ZEB2: variants seen among roughly 807,000 people sequenced by gnomAD.
ZEB2 encodes the protein zinc finger E-box binding homeobox 2.
Under a neutral mutation model 99.9 loss-of-function variants are expected in ZEB2, and 6 were observed. The observed-to-expected ratio is 0.06, with a 90% CI of 0.03 to 0.12. The LOEUF (loss-of-function observed/expected upper bound fraction) is 0.12, where lower values mean the gene tolerates loss of function less well. Ranked by LOEUF, ZEB2 falls within the 10% of genes least tolerant of loss-of-function variation. The pLI is 1.00. For missense variants in ZEB2, 969 were observed against 1,502.8 expected, an observed-to-expected ratio of 0.64 and a Z score of 5.87; for synonymous variants, 517 against 542.5, an observed-to-expected ratio of 0.95 and a Z score of 0.65.
intron 4 of ZEB2, among the ~76,000 whole-genome samples, chr2:144,410,899 T>C (rs1207405759): frequency 6.6e-6 from 1 of 151,396 alleles, no homozygotes; most frequent in East Asian, 1.9e-4. Flanking sequence ...GAATCATCCA[T>C]CCATCCCCTT....
chr2:144,445,894 T>C (rs763575291), intron 2 of ZEB2, among the ~76,000 whole-genome samples: 7 of 152,210 alleles, frequency 4.6e-5, no homozygotes, highest in Non-Finnish European at 1.0e-4. Context: ...TGTCAATGGT[T>C]TCAGTCTCAG....
At chr2:144,405,608 G>GT (rs1703375751) in intron 4 of ZEB2, among the ~76,000 whole-genome samples, 7 of 147,892 alleles carry the variant, frequency 4.7e-5, no homozygotes, top group Admixed American at 4.0e-4. Flanking sequence ...ATGCAACTTT[G>GT]TTAAAAAAAA....
chr2:144,435,549 T>C (rs935097580), intron 2 of ZEB2, among the ~76,000 whole-genome samples: 1 of 149,584 alleles, frequency 6.7e-6, no homozygotes, highest in Non-Finnish European at 1.5e-5. Flanking sequence ...TAGTGAGCTA[T>C]GATCACACCA....
intron 3 of ZEB2, chr2:144,426,423 CG>C (rs1703691017): frequency 1.3e-5 from 2 of 151,768 alleles, no homozygotes; most frequent in South Asian, 4.2e-4. Flanking sequence ...CATGTGATTT[CG>C]GGTAGCCAAG....
intron 2 of ZEB2, chr2:144,494,426 A>T (rs971535194): frequency 6.6e-6 from 1 of 152,216 alleles, no homozygotes; most frequent in African/African-American, 2.4e-5. Flanking sequence ...TAAGGCAGAC[A>T]TTTCAATCAA....
At chr2:144,414,209 C>A (rs1286191869) in intron 4 of ZEB2, among the ~76,000 whole-genome samples, 1 of 152,226 alleles carries the variant, frequency 6.6e-6, no homozygotes, top group Non-Finnish European at 1.5e-5. Flanking sequence ...ATACTTGAAG[C>A]AGTGCCTCTC....
chr2:144,468,566 C>A (rs1332328799), intron 2 of ZEB2, among the ~76,000 whole-genome samples: 1 of 151,950 alleles, frequency 6.6e-6, no homozygotes, highest in African/African-American at 2.4e-5. Flanking sequence ...TTAGGAGATG[C>A]TTTGATTCTT....
chr2:144,465,366 T>C (rs764283329), intron 2 of ZEB2, among the ~76,000 whole-genome samples: 6 of 152,162 alleles, frequency 3.9e-5, no homozygotes, highest in Non-Finnish European at 7.4e-5. Flanking sequence ...GTTTTTGTGA[T>C]TGTGTTTATG....
At chr2:144,411,117 C>CAT (rs72438326) in intron 4 of ZEB2, among the ~76,000 whole-genome samples, 15 of 74,858 alleles carry the variant, frequency 2.0e-4, no homozygotes, top group East Asian at 1.4e-3. Context: ...TAGGGCATCT[C>CAT]ATATATACAC....
chr2:144,395,725 A>G (rs533818530), intron 9 of ZEB2, among the ~76,000 whole-genome samples: 13 of 152,260 alleles, frequency 8.5e-5, no homozygotes, highest in African/African-American at 2.2e-4. Context: ...CTTTCTTTTC[A>G]AAAATTAACC....
chr2:144,412,348 T>A (rs542078997), intron 4 of ZEB2, among the ~76,000 whole-genome samples: 1 of 152,258 alleles, frequency 6.6e-6, no homozygotes. Flanking sequence ...AAATTTGGAA[T>A]TGGCATATTA....
At chr2:144,425,223 C>T (rs1033902414) in intron 3 of ZEB2, among the ~76,000 whole-genome samples, 1 of 152,184 alleles carries the variant, frequency 6.6e-6, no homozygotes, top group Non-Finnish European at 1.5e-5. Flanking sequence ...GGCATGCTGG[C>T]TGCTATGCCT....
intron 2 of ZEB2, among the ~76,000 whole-genome samples, chr2:144,505,663 C>G (rs943653747): frequency 1.3e-5 from 2 of 152,120 alleles, no homozygotes; most frequent in Admixed American, 1.3e-4. Flanking sequence ...TTGAAGCCAG[C>G]CTGTCTCTGC....
intron 4 of ZEB2, among the ~76,000 whole-genome samples, chr2:144,407,924 T>G (rs1703410109): frequency 6.6e-6 from 1 of 152,346 alleles, no homozygotes; most frequent in East Asian, 1.9e-4. Flanking sequence ...TTCATTTGCA[T>G]ATGAATGTTT....
intron 2 of ZEB2, among the ~76,000 whole-genome samples, chr2:144,479,686 G>GGT (rs1704480972): frequency 1.8e-5 from 2 of 108,470 alleles, no homozygotes; most frequent in African/African-American, 6.7e-5. Flanking sequence ...TTTTTTTTGG[G>GGT]GGGGGGGGCG....
At chr2:144,447,475 C>T (rs1414020156) in intron 2 of ZEB2, among the ~76,000 whole-genome samples, 1 of 152,116 alleles carries the variant, frequency 6.6e-6, no homozygotes, top group East Asian at 1.9e-4. Context: ...TTATTATTAT[C>T]CCTTACCACA....
intron 2 of ZEB2, among the ~76,000 whole-genome samples, chr2:144,453,976 T>C (rs1215245679): frequency 1.3e-5 from 2 of 152,238 alleles, no homozygotes; most frequent in African/African-American, 2.4e-5. Context: ...AATATATTAG[T>C]ACATACCTAG....
intron 6 of ZEB2, among the ~76,000 whole-genome samples, chr2:144,403,347 G>A (rs140786202): frequency 3.3e-5 from 5 of 152,026 alleles, no homozygotes; most frequent in Non-Finnish European, 5.9e-5. Context: ...TACATCCAAC[G>A]TTTTAGTACT....
chr2:144,405,687 G>T (rs1250043068), intron 4 of ZEB2, among the ~76,000 whole-genome samples: 1 of 151,772 alleles, frequency 6.6e-6, no homozygotes, highest in South Asian at 2.1e-4. Context: ...TTTTAAAGCT[G>T]CTGAAAATAA....
Sources: allele counts gnomAD v4.1 joint callset (sites outside exome capture counted in the v4.1 genomes callset), GRCh38; gene constraint gnomAD v4.1.1; transcripts MANE v1.5; gene names NCBI Gene and HGNC (gene_info 2026-07-23, HGNC 2026-07-21).